The following TMEM132D variants were observed in gnomAD, a reference collection of about 807,000 sequenced individuals.
The protein encoded by TMEM132D is transmembrane protein 132D.
Under a neutral mutation model 62.3 loss-of-function variants are expected in TMEM132D, and 21 were observed. The ratio of observed to expected loss-of-function variants is 0.34; its 90% CI spans 0.24 to 0.49. TMEM132D has a LOEUF of 0.49. TMEM132D is among the 20% of genes least tolerant of loss of function. The pLI, the probability that TMEM132D is intolerant of heterozygous loss-of-function variation, is 0.99. For synonymous variants in TMEM132D, 621 were observed against 575.6 expected (o/e 1.08, Z -1.13); for missense variants, 1,346 against 1,402.8 (o/e 0.96, Z 0.65).
chr12:129,187,954 G>A (rs1878267121), intron 5 of TMEM132D, among the ~76,000 whole-genome samples: 1 of 152,146 alleles, frequency 6.6e-6, no homozygotes, highest in African/African-American at 2.4e-5. Context: ...ATTTAGTCTG[G>A]TCTAAAAGAA....
chr12:129,136,902 C>CCATCATCATCACCATACCACCACCATCAT (rs1876589141), intron 5 of TMEM132D, among the ~76,000 whole-genome samples: 2 of 151,192 alleles, frequency 1.3e-5, no homozygotes, highest in Admixed American at 6.6e-5. Context: ...ACCATCATCA[C>CCATCATCATCACCATACCACCACCATCAT]CATCATCATC....
intron 2 of TMEM132D, among the ~76,000 whole-genome samples, chr12:129,563,806 C>A (rs1286871433): frequency 6.6e-6 from 1 of 151,952 alleles, no homozygotes; most frequent in Non-Finnish European, 1.5e-5. Context: ...GAATCTTGTA[C>A]CCAGTAATAA....
chr12:129,357,313 AGGAAGGAG>A lies in TMEM132D; in HGVS notation c.1116-19504_1116-19497del, dbSNP rs1290324667. Among the ~76,000 whole-genome samples the A allele has an allele frequency of 2.7e-5, 4 of 146,950 alleles. No individual in the cohort carries two copies. In the Admixed American group the frequency reaches 2.7e-4, roughly 10 times the overall value. On this transcript the variant is annotated intron_variant, in intron 3 of 8. Coordinates refer to ENST00000422113, the MANE Select transcript of TMEM132D (RefSeq NM_133448.3). ...GGAGAAAGAAAGAAAGAAGGAAGAA[AGGAAGGAG>A]GGAAGGAAAGAAAAAGAAAAGAAAG...
intron 3 of TMEM132D, among the ~76,000 whole-genome samples, chr12:129,373,917 C>T (rs1300642494): frequency 6.6e-6 from 1 of 152,160 alleles, no homozygotes; most frequent in African/African-American, 2.4e-5. Context: ...GGCAGAAAAG[C>T]TACGTGGTGC....
chr12:129,724,601 C>T (rs893250388), intron 1 of TMEM132D, among the ~76,000 whole-genome samples: 9 of 152,316 alleles, frequency 5.9e-5, no homozygotes, highest in Admixed American at 1.3e-4. Context: ...CGGCTCACCG[C>T]AACCCCCGCC....
intron 1 of TMEM132D, among the ~76,000 whole-genome samples, chr12:129,744,935 G>A (rs945624540): frequency 2.6e-5 from 4 of 152,176 alleles, no homozygotes; most frequent in Non-Finnish European, 4.4e-5. Flanking sequence ...CAGGTGGGAG[G>A]TGATTGGATC....
chr12:129,351,277 A>AGCTC (rs1364052679), intron 3 of TMEM132D, among the ~76,000 whole-genome samples: 1 of 152,160 alleles, frequency 6.6e-6, no homozygotes, highest in East Asian at 1.9e-4. Flanking sequence ...AAATGGTAAA[A>AGCTC]GCTCACCATA....
intron 1 of TMEM132D, among the ~76,000 whole-genome samples, chr12:129,871,452 AGCCTT>A (rs1013791566): frequency 1.3e-5 from 2 of 152,174 alleles, no homozygotes; most frequent in Non-Finnish European, 2.9e-5. Flanking sequence ...AGAGTACCTC[AGCCTT>A]GTAGTTAAAA....
At chr12:129,238,647 T>C (rs1879850553) in intron 4 of TMEM132D, among the ~76,000 whole-genome samples, 1 of 152,198 alleles carries the variant, frequency 6.6e-6, no homozygotes, top group South Asian at 2.1e-4. Context: ...TATTGTAGCA[T>C]ATGTCCAAAT....
At chr12:129,373,964 A>G (rs1870702613) in intron 3 of TMEM132D, among the ~76,000 whole-genome samples, 1 of 152,110 alleles carries the variant, frequency 6.6e-6, no homozygotes, top group Non-Finnish European at 1.5e-5. Flanking sequence ...AAATGAGTCA[A>G]TTCCTGGCTT....
At chr12:129,614,314 T>A (rs1223406350) in intron 2 of TMEM132D, among the ~76,000 whole-genome samples, 2 of 152,234 alleles carry the variant, frequency 1.3e-5, no homozygotes, top group African/African-American at 2.4e-5. Flanking sequence ...AAGTAAGCTG[T>A]TTCTGAGATA....
intron 2 of TMEM132D, among the ~76,000 whole-genome samples, chr12:129,656,753 T>G (rs1316881582): frequency 6.6e-6 from 1 of 152,224 alleles, no homozygotes; most frequent in Non-Finnish European, 1.5e-5. Flanking sequence ...ACACTTTTTT[T>G]CTTTTGCAAA....
intron 5 of TMEM132D, among the ~76,000 whole-genome samples, chr12:129,152,950 C>T (rs1026821105): frequency 2.6e-5 from 4 of 152,118 alleles, no homozygotes; most frequent in African/African-American, 7.2e-5. Context: ...GAGCTGAGTC[C>T]TTCCCATCCC....
intron 1 of TMEM132D, among the ~76,000 whole-genome samples, chr12:129,723,497 G>A (rs1868918406): frequency 6.6e-6 from 1 of 152,212 alleles, no homozygotes; most frequent in African/African-American, 2.4e-5. Flanking sequence ...GGCTGTCACA[G>A]GACTAGCGGA....
chr12:129,082,443 T>C (rs1321563704), intron 6 of TMEM132D, among the ~76,000 whole-genome samples: 1 of 152,232 alleles, frequency 6.6e-6, no homozygotes, highest in Non-Finnish European at 1.5e-5. Flanking sequence ...CCTTGGTTCT[T>C]TGCAGTTGCT....
chr12:129,659,657 T>C (rs1033695220), intron 2 of TMEM132D, among the ~76,000 whole-genome samples: 2 of 152,138 alleles, frequency 1.3e-5, no homozygotes, highest in African/African-American at 4.8e-5. Flanking sequence ...ATTAGTCATA[T>C]GAATAAAGAA....
chr12:129,895,176 C>A (rs547172131), intron 1 of TMEM132D, among the ~76,000 whole-genome samples: 2 of 152,250 alleles, frequency 1.3e-5, no homozygotes, highest in East Asian at 3.9e-4. Flanking sequence ...AAGCATAGCA[C>A]CCCCCAGGTA....
intron 2 of TMEM132D, among the ~76,000 whole-genome samples, chr12:129,554,437 C>T (rs188286039): frequency 6.6e-6 from 1 of 152,252 alleles, no homozygotes; most frequent in Non-Finnish European, 1.5e-5. Flanking sequence ...GAGAAGCGTG[C>T]AGCAGAGACA....
chr12:129,667,992 T>A (rs1291813776), intron 2 of TMEM132D, among the ~76,000 whole-genome samples: 1 of 151,782 alleles, frequency 6.6e-6, no homozygotes, highest in Non-Finnish European at 1.5e-5. Flanking sequence ...ACCATTGTTG[T>A]CTCCTTTCGG....
Sources: gnomAD v4.1 joint callset for allele counts (sites outside exome capture counted in the v4.1 genomes callset) on GRCh38, gnomAD v4.1.1 for gene constraint, MANE v1.5 for transcripts, NCBI Gene and HGNC (gene_info 2026-07-23, HGNC 2026-07-21) for gene names.